The following KCNC2 variants were observed in gnomAD, a reference collection of about 807,000 sequenced individuals.
KCNC2 encodes voltage-gated potassium channel KCNC2.
KCNC2 carries 21 observed loss-of-function variants against 44.5 expected under a neutral mutation model. The ratio of observed to expected loss-of-function variants is 0.47; its 90% CI spans 0.33 to 0.68. KCNC2 has a LOEUF of 0.68. Ranked by LOEUF, KCNC2 falls within the 30% of genes least tolerant of loss-of-function variation. KCNC2 has a pLI of 0.01. For missense variants in KCNC2, 589 were observed against 826.2 expected (o/e 0.71, Z 3.52); for synonymous variants, 391 against 339.1 (o/e 1.15, Z -1.68).
chr12:75,093,216 C>T lies in KCNC2; in HGVS notation c.688-41899G>A, dbSNP rs146849630. Among the ~76,000 whole-genome samples the T allele has an allele frequency of 1.1e-3, 172 of 151,620 alleles. 3 individuals are homozygous for T. In the East Asian group the frequency reaches 0.026, roughly 23 times the overall value. On this transcript the variant is annotated intron_variant, in intron 2 of 4. Transcript: ENST00000549446. ...ATATTCAAATAGAATGGCAACAATT[C>T]ATAAAGTAGATTAAATTTAGGAACA...
At chr12:75,043,549 C>A in intron 4 of KCNC2, 1 of 1,204,754 alleles carries the variant, frequency 8.3e-7, no homozygotes, top group Non-Finnish European at 1.1e-6. Context: ...AAAAATTAGG[C>A]AAAGCAACTT....
Position 75,041,476 on chromosome 12 carries a change from G to T in KCNC2, c.*1629C>A. On this transcript the variant is annotated 3_prime_UTR_variant, in exon 5 of 5. Coordinates refer to ENST00000549446, the MANE Select transcript of KCNC2 (RefSeq NM_139137.4). ...AACAAAAAATAAACATGAGAAATAGGAATTAATCAGCAGTCTCAAGGCTCC... is the reference window on the plus strand; with the variant it reads ...AACAAAAAATAAACATGAGAAATAGTAATTAATCAGCAGTCTCAAGGCTCC... 8.3e-7 allele frequency: 1 copy of T among 1,209,460 alleles called. No individual in the cohort carries two copies. Among genetic ancestry groups the T allele is most frequent in the East Asian group, 4.4e-5 (1 of 22,490 alleles). 74.9% of individuals were successfully genotyped at this position (1,209,460 alleles called of 1,614,324 possible).
intron 2 of KCNC2, among the ~76,000 whole-genome samples, chr12:75,152,300 G>T (rs906671386): frequency 2.0e-5 from 3 of 150,706 alleles, no homozygotes; most frequent in Admixed American, 1.3e-4. Flanking sequence ...TGAATAAAAA[G>T]ATCTTAAAAT....
chr12:75,063,965 T>C (rs551171527), intron 2 of KCNC2, among the ~76,000 whole-genome samples: 5 of 152,260 alleles, frequency 3.3e-5, no homozygotes, highest in Admixed American at 6.5e-5. Context: ...TTAACTTGGA[T>C]GATTTTAAAA....
chr12:75,129,662 A>C (rs528270785), intron 2 of KCNC2, among the ~76,000 whole-genome samples: 1 of 152,332 alleles, frequency 6.6e-6, no homozygotes, highest in African/African-American at 2.4e-5. Context: ...GGGTGAAGAA[A>C]TAAAATGATT....
chr12:75,107,594 A>C (rs1195329837), intron 2 of KCNC2, among the ~76,000 whole-genome samples: 1 of 152,176 alleles, frequency 6.6e-6, no homozygotes, highest in African/African-American at 2.4e-5. Context: ...GAGCAGAATA[A>C]AACATAAAAT....
At chr12:75,154,245 C>T (rs907777469) in intron 2 of KCNC2, among the ~76,000 whole-genome samples, 4 of 152,018 alleles carry the variant, frequency 2.6e-5, no homozygotes, top group Non-Finnish European at 4.4e-5. Flanking sequence ...AAGCATGCAA[C>T]TATCACATTT....
At chr12:75,169,964 A>G (rs1472928583) in intron 2 of KCNC2, among the ~76,000 whole-genome samples, 1 of 151,728 alleles carries the variant, frequency 6.6e-6, no homozygotes, top group African/African-American at 2.4e-5. Flanking sequence ...GAAAGGCGAC[A>G]TAACATTAGC....
intron 2 of KCNC2, among the ~76,000 whole-genome samples, chr12:75,091,939 G>A (rs1181629670): frequency 2.0e-5 from 3 of 151,518 alleles, no homozygotes; most frequent in South Asian, 2.1e-4. Flanking sequence ...CTCAATTATG[G>A]TAATTAGTTG....
At chr12:75,154,570 A>G (rs916499668) in intron 2 of KCNC2, among the ~76,000 whole-genome samples, 7 of 152,050 alleles carry the variant, frequency 4.6e-5, no homozygotes, top group Admixed American at 2.0e-4. Context: ...ATAAGCTACA[A>G]TAAATCAGAC....
chr12:75,079,837 A>G (rs1884322918), intron 2 of KCNC2, among the ~76,000 whole-genome samples: 1 of 152,160 alleles, frequency 6.6e-6, no homozygotes, highest in African/African-American at 2.4e-5. Context: ...GACATAGACA[A>G]AAAAGATAGC....
chr12:75,204,758 TA>T (rs1374225782), intron 2 of KCNC2, among the ~76,000 whole-genome samples: 1 of 152,112 alleles, frequency 6.6e-6, no homozygotes, highest in Non-Finnish European at 1.5e-5. Context: ...TCATCTTAAC[TA>T]AAAGTGCTCA....
chr12:75,073,205 T>A (rs1372620544), intron 2 of KCNC2, among the ~76,000 whole-genome samples: 1 of 152,176 alleles, frequency 6.6e-6, no homozygotes, highest in Non-Finnish European at 1.5e-5. Context: ...CTGAAACAAA[T>A]GTTATCATGC....
At chr12:75,158,827 G>A (rs564486997) in intron 2 of KCNC2, among the ~76,000 whole-genome samples, 2 of 151,892 alleles carry the variant, frequency 1.3e-5, no homozygotes, top group South Asian at 4.1e-4. Flanking sequence ...TTAGTCCCTT[G>A]AGACTTTGAA....
intron 2 of KCNC2, among the ~76,000 whole-genome samples, chr12:75,179,274 A>G (rs1892396982): frequency 6.6e-6 from 1 of 151,952 alleles, no homozygotes; most frequent in African/African-American, 2.4e-5. Context: ...AATTTTTTTT[A>G]ACTGAAAATC....
intron 2 of KCNC2, among the ~76,000 whole-genome samples, chr12:75,069,336 A>G (rs1883165717): frequency 6.6e-6 from 1 of 151,790 alleles, no homozygotes; most frequent in Non-Finnish European, 1.5e-5. Context: ...GGATTTCTCC[A>G]TGTTGGTCAG....
chr12:75,146,560 G>T (rs1050220587), intron 2 of KCNC2, among the ~76,000 whole-genome samples: 1 of 152,140 alleles, frequency 6.6e-6, no homozygotes, highest in African/African-American at 2.4e-5. Flanking sequence ...CTCTGAAATA[G>T]ATTTGTTTCA....
intron 2 of KCNC2, among the ~76,000 whole-genome samples, chr12:75,072,543 C>T (rs1321605957): frequency 6.6e-6 from 1 of 151,236 alleles, no homozygotes; most frequent in African/African-American, 2.4e-5. Context: ...CTTAAAAACA[C>T]ATAACATTTG....
At chr12:75,131,112 A>G (rs74587655) in intron 2 of KCNC2, among the ~76,000 whole-genome samples, 201 of 152,298 alleles carry the variant, frequency 1.3e-3, no homozygotes, top group Non-Finnish European at 2.2e-3. Flanking sequence ...TTTCACATAC[A>G]TGCTGTAACA....
Sources: allele counts gnomAD v4.1 joint callset (sites outside exome capture counted in the v4.1 genomes callset), GRCh38; gene constraint gnomAD v4.1.1; transcripts MANE v1.5; gene names NCBI Gene and HGNC (gene_info 2026-07-23, HGNC 2026-07-21).